Variants in CEP112 observed in about 807,000 individuals in gnomAD.
CEP112 encodes centrosomal protein 112.
In CEP112, 127 loss-of-function variants were observed where a neutral mutation model predicts 153.0. That is an observed-to-expected ratio of 0.83 (90% CI 0.72 to 0.96). The LOEUF is 0.96. CEP112 is among the 40% of genes least tolerant of loss of function. CEP112 has a pLI of 0.00. For missense variants in CEP112, 1,089 were observed against 1,101.2 expected, an observed-to-expected ratio of 0.99 and a Z score of 0.16; for synonymous variants, 358 against 374.4, an observed-to-expected ratio of 0.96 and a Z score of 0.51.
At chr17:65,680,108 G>A (rs2047441678) in intron 24 of CEP112, among the ~76,000 whole-genome samples, 1 of 152,102 alleles carries the variant, frequency 6.6e-6, no homozygotes, top group Non-Finnish European at 1.5e-5. Flanking sequence ...TTAGAGGAGA[G>A]CAGAAAGGTG....
At chr17:66,104,429 T>C (rs1455470531) in intron 6 of CEP112, among the ~76,000 whole-genome samples, 1 of 152,158 alleles carries the variant, frequency 6.6e-6, no homozygotes, top group East Asian at 1.9e-4. Flanking sequence ...GAATTCATCA[T>C]CTGCTGACTA....
intron 5 of CEP112, among the ~76,000 whole-genome samples, chr17:66,130,226 CAA>C (rs922732155): frequency 7.5e-6 from 1 of 132,838 alleles, no homozygotes; most frequent in African/African-American, 2.8e-5. Context: ...AACTAAATTT[CAA>C]AAAAAAAAAA....
At chr17:66,045,608 T>G (rs1358465160) in intron 12 of CEP112, among the ~76,000 whole-genome samples, 2 of 152,162 alleles carry the variant, frequency 1.3e-5, no homozygotes, top group Non-Finnish European at 2.9e-5. Context: ...TTAAACAAAA[T>G]GAAAAATACA....
At chr17:66,036,801 T>C (rs2065759675) in intron 12 of CEP112, among the ~76,000 whole-genome samples, 1 of 152,048 alleles carries the variant, frequency 6.6e-6, no homozygotes, top group Non-Finnish European at 1.5e-5. Context: ...ATAAAATAAA[T>C]TTGCAAAAAT....
Position 66,096,585 on chromosome 17 carries a change from C to T in CEP112, c.690G>A (p.Leu230=), listed in dbSNP as rs202226942. 8.2e-6 allele frequency: 13 copies of T among 1,588,178 alleles called. No homozygotes were observed. In the African/African-American group the frequency reaches 1.3e-4, roughly 16 times the overall value. ...YLRQKPIPVS[L]MTPKFSLRKS... ...AAAGTCCAATGGATTTCTCACATACCAGAGAAACTGGGATAGGCTTCTGTC... is the reference window on the plus strand; with the variant it reads ...AAAGTCCAATGGATTTCTCACATACTAGAGAAACTGGGATAGGCTTCTGTC... The change falls in exon 7 of 27, where the codon CTG becomes CTA. Residue 230 remains leucine, a splice_region_variant and synonymous_variant. Transcript: ENST00000535342.
chr17:65,985,731 T>C (rs148309612), intron 17 of CEP112, among the ~76,000 whole-genome samples: 2 of 152,140 alleles, frequency 1.3e-5, no homozygotes, highest in Non-Finnish European at 2.9e-5. Flanking sequence ...CTTATTAATT[T>C]TGTAGAAAGC....
intron 23 of CEP112, among the ~76,000 whole-genome samples, chr17:65,734,738 C>A (rs1388317475): frequency 1.3e-5 from 2 of 152,074 alleles, no homozygotes; most frequent in African/African-American, 4.8e-5. Flanking sequence ...TAGTCTCACA[C>A]AGATAAGAAG....
chr17:65,920,763 A>G (rs2060696948), intron 19 of CEP112, among the ~76,000 whole-genome samples: 1 of 152,032 alleles, frequency 6.6e-6, no homozygotes, highest in South Asian at 2.1e-4. Flanking sequence ...CCTGAAATGT[A>G]AACAATAGCT....
chr17:66,189,966 A>G (rs1175200179), intron 1 of CEP112, among the ~76,000 whole-genome samples: 1 of 152,168 alleles, frequency 6.6e-6, no homozygotes, highest in Non-Finnish European at 1.5e-5. Flanking sequence ...CAAGAGGTCA[A>G]GGCTGCAATG....
At chr17:65,769,367 G>C (rs1184066594) in intron 21 of CEP112, among the ~76,000 whole-genome samples, 1 of 151,532 alleles carries the variant, frequency 6.6e-6, no homozygotes, top group African/African-American at 2.4e-5. Context: ...TAGATGCAAT[G>C]CAAACCCTAT....
chr17:66,059,956 C>T (rs537592499), intron 11 of CEP112, among the ~76,000 whole-genome samples: 1 of 152,148 alleles, frequency 6.6e-6, no homozygotes, highest in Non-Finnish European at 1.5e-5. Context: ...CCATGGAATA[C>T]TAGATGGCCA....
chr17:66,009,545 T>C (rs1004564533), intron 16 of CEP112, among the ~76,000 whole-genome samples: 1 of 152,222 alleles, frequency 6.6e-6, no homozygotes. Context: ...CCACTTTGTA[T>C]ATCCAGAATG....
chr17:65,982,974 T>G (rs2063281413), intron 17 of CEP112, among the ~76,000 whole-genome samples: 1 of 152,180 alleles, frequency 6.6e-6, no homozygotes, highest in Non-Finnish European at 1.5e-5. Flanking sequence ...AAAGGTCACA[T>G]ATTGTATGAT....
chr17:65,899,263 C>T (rs964271583), intron 20 of CEP112, among the ~76,000 whole-genome samples: 2 of 152,016 alleles, frequency 1.3e-5, no homozygotes, highest in African/African-American at 4.8e-5. Flanking sequence ...AACATATGAC[C>T]TTAGATAGAT....
Position 66,186,688 on chromosome 17 carries a change from G to C in CEP112, c.-8-3381C>G, listed in dbSNP as rs78572706. ...TTGATGCCCTCCTTCATGCTCTACAGGGTTGCTGGGAAAAAATGGCACTGC... is the reference window on the plus strand; with the variant it reads ...TTGATGCCCTCCTTCATGCTCTACACGGTTGCTGGGAAAAAATGGCACTGC... On this transcript the variant is annotated intron_variant, in intron 1 of 26. Coordinates refer to ENST00000535342, the MANE Select transcript of CEP112 (RefSeq NM_001199165.4). Among the ~76,000 whole-genome samples, 9 of 152,254 alleles carry C rather than the reference G, an allele frequency of 5.9e-5. No homozygotes were observed. In the East Asian group the frequency reaches 1.7e-3, roughly 29 times the overall value.
intron 24 of CEP112, chr17:65,655,045 C>T (rs1235065563): frequency 2.9e-6 from 2 of 680,702 alleles, no homozygotes; most frequent in Non-Finnish European, 5.6e-6. Flanking sequence ...TCACTCTTGA[C>T]ACTGGAGATC....
chr17:66,181,860 T>C (rs2072735802), intron 2 of CEP112: 1 of 152,126 alleles, frequency 6.6e-6, no homozygotes, highest in Admixed American at 6.5e-5. Flanking sequence ...GGACATGAAA[T>C]AGTCATTTGA....
intron 20 of CEP112, 128 bp downstream of exon 20, chr17:65,902,024 A>AAAAAAAT: frequency 2.5e-6 from 1 of 394,922 alleles, no homozygotes; most frequent in Non-Finnish European, 4.5e-6. Context: ...CAAAAAAAAA[A>AAAAAAAT]TCACATTTAT....
At chr17:65,851,066 T>C (rs1007500169) in intron 21 of CEP112, among the ~76,000 whole-genome samples, 1 of 152,160 alleles carries the variant, frequency 6.6e-6, no homozygotes, top group African/African-American at 2.4e-5. Flanking sequence ...TGAAGAGGGA[T>C]AGGTGGAAAG....
Sources: gnomAD v4.1 joint callset for allele counts (sites outside exome capture counted in the v4.1 genomes callset) on GRCh38, gnomAD v4.1.1 for gene constraint, MANE v1.5 for transcripts, NCBI Gene and HGNC (gene_info 2026-07-23, HGNC 2026-07-21) for gene names.